Variants in CSRNP3 observed in about 807,000 individuals in gnomAD.
CSRNP3 encodes cysteine/serine-rich nuclear protein 3.
Under a neutral mutation model 48.0 loss-of-function variants are expected in CSRNP3, and 12 were observed. The observed-to-expected ratio is 0.25, with a 90% CI of 0.16 to 0.41. CSRNP3 has a LOEUF of 0.41. Among genes scored for constraint, CSRNP3 ranks in the 10% least tolerant of loss-of-function variants. The pLI, the probability that CSRNP3 is intolerant of heterozygous loss-of-function variation, is 1.00. For missense variants in CSRNP3, 580 were observed against 724.4 expected (o/e 0.80, Z 2.29); for synonymous variants, 263 against 269.7 (o/e 0.98, Z 0.24).
chr2:165,608,558 T>C (rs1009717398), intron 4 of CSRNP3, among the ~76,000 whole-genome samples: 2 of 152,184 alleles, frequency 1.3e-5, no homozygotes, highest in Non-Finnish European at 2.9e-5. Flanking sequence ...AACCTTAATA[T>C]CTACATTTGT....
intron 1 of CSRNP3, among the ~76,000 whole-genome samples, chr2:165,483,040 GTA>G (rs1454423742): frequency 1.6e-3 from 213 of 134,052 alleles, no homozygotes; most frequent in African/African-American, 5.7e-3. Context: ...GTGTGTGTGT[GTA>G]TGTATATATA....
intron 2 of CSRNP3, among the ~76,000 whole-genome samples, chr2:165,506,508 A>G (rs1205207286): frequency 2.0e-5 from 3 of 152,036 alleles, no homozygotes; most frequent in Non-Finnish European, 4.4e-5. Flanking sequence ...TTTTATATTC[A>G]TAGCCCCCAT....
intron 4 of CSRNP3, among the ~76,000 whole-genome samples, chr2:165,649,588 G>GGA (rs1265945394): frequency 6.6e-6 from 1 of 152,140 alleles, no homozygotes; most frequent in Non-Finnish European, 1.5e-5. Flanking sequence ...TAAGGACTGA[G>GGA]GAGAGACATG....
intron 4 of CSRNP3, among the ~76,000 whole-genome samples, chr2:165,627,697 T>G (rs922999323): frequency 2.0e-5 from 3 of 152,330 alleles, no homozygotes; most frequent in East Asian, 1.9e-4. Context: ...TGAATCACAC[T>G]TCTTCCTCTT....
chr2:165,594,903 A>T (rs917147621), intron 3 of CSRNP3, 140 bp from the exon 4 acceptor site: 5 of 543,308 alleles, frequency 9.2e-6, no homozygotes, highest in East Asian at 6.0e-5. Flanking sequence ...TAGAAAAAAA[A>T]ATCTGCTAAA....
chr2:165,530,785 T>C (rs898133214), intron 3 of CSRNP3, among the ~76,000 whole-genome samples: 1 of 152,100 alleles, frequency 6.6e-6, no homozygotes, highest in Admixed American at 6.5e-5. Context: ...TTTGTGTTAC[T>C]CTTGGACAAT....
rs145912675 is a variant in CSRNP3 at position 165,686,379 on chromosome 2, C to T, written c.*6626C>T. On this transcript the variant is annotated 3_prime_UTR_variant, in exon 7 of 7. Coordinates refer to ENST00000651982, the MANE Select transcript of CSRNP3 (RefSeq NM_001172173.2). ...TTTCTACCTTTGTAGTACATTGTATCCAATTTTGTTTTGCTCCTCCTTTTC... is the reference window on the plus strand; with the variant it reads ...TTTCTACCTTTGTAGTACATTGTATTCAATTTTGTTTTGCTCCTCCTTTTC... 302 of 152,060 alleles carry T rather than the reference C, an allele frequency of 2.0e-3. No homozygotes were observed. The highest frequency in any genetic ancestry group is 7.1e-3 in the African/African-American group (295 of 41,508). The allele number at this position is 152,060 out of a possible 1,614,324, so 9.4% of individuals were successfully genotyped here. A position where few individuals can be genotyped will look rare whatever the true frequency, so the allele number is the denominator to read the frequency against.
intron 2 of CSRNP3, among the ~76,000 whole-genome samples, chr2:165,508,475 T>C (rs1684457739): frequency 6.6e-6 from 1 of 152,118 alleles, no homozygotes; most frequent in South Asian, 2.1e-4. Context: ...CTTTCTTCTT[T>C]TTTATTTTTT....
intron 2 of CSRNP3, among the ~76,000 whole-genome samples, chr2:165,499,456 G>T (rs1469525867): frequency 3.3e-5 from 5 of 152,090 alleles, no homozygotes; most frequent in Admixed American, 6.6e-5. Context: ...TAAATAGGCT[G>T]CAATAATATT....
chr2:165,552,712 T>G lies in CSRNP3; in HGVS notation c.-24+34751T>G, dbSNP rs1685113705. ...TTTATCTATTTTTTATTTTTTTATT[T>G]TTTTTTGAGATGGAGTCTCACTCTG... On this transcript the variant is annotated intron_variant, in intron 3 of 6. Transcript: ENST00000651982. 2.6e-5 allele frequency among the ~76,000 whole-genome samples: 4 copies of G among 152,092 alleles called. No homozygotes were observed. The South Asian group carries it at 8.3e-4, about 32-fold the overall frequency.
At chr2:165,548,243 TAA>T (rs1685055934) in intron 3 of CSRNP3, among the ~76,000 whole-genome samples, 1 of 152,076 alleles carries the variant, frequency 6.6e-6, no homozygotes. Context: ...TTGCATCTCC[TAA>T]AATATCATGG....
At chr2:165,536,162 G>C (rs1684879016) in intron 3 of CSRNP3, among the ~76,000 whole-genome samples, 1 of 151,784 alleles carries the variant, frequency 6.6e-6, no homozygotes, top group African/African-American at 2.4e-5. Flanking sequence ...ACCAAATATT[G>C]TCAACACAAC....
At chr2:165,545,909 C>T (rs1323981685) in intron 3 of CSRNP3, among the ~76,000 whole-genome samples, 1 of 151,592 alleles carries the variant, frequency 6.6e-6, no homozygotes, top group Non-Finnish European at 1.5e-5. Flanking sequence ...GATAATTTAC[C>T]TCAGGTAATT....
chr2:165,597,494 A>AT (rs1044517531), intron 4 of CSRNP3, among the ~76,000 whole-genome samples: 1 of 151,986 alleles, frequency 6.6e-6, no homozygotes, highest in Admixed American at 6.6e-5. Context: ...TACATGGACA[A>AT]TTTTTTTTAA....
In CSRNP3 at chr2:165,562,841, TA is replaced by T. The variant is rs756999444; in HGVS notation, c.-23-32200del. On this transcript the variant is annotated intron_variant, in intron 3 of 6. Transcript: ENST00000651982. ...TAGTGTCATAAAATTTATAGTAGAG[TA>T]ATAAAGAGACATGAAAGAGAGTGAA... Among the ~76,000 whole-genome samples the T allele has an allele frequency of 8.6e-4, 131 of 151,670 alleles. 1 individual carries two copies. Among genetic ancestry groups the T allele is most frequent in the Middle Eastern group, 6.8e-3 (2 of 294 alleles).
chr2:165,676,302 G>T lies in CSRNP3; in HGVS notation c.409-10G>T. On this transcript the variant is annotated splice_polypyrimidine_tract_variant and intron_variant, in intron 5 of 6. Transcript: ENST00000651982. ...TAATGAGTCTCTTATTTGCTGCTTT[G>T]TGTTTTTAGATGACTAAGAATGGCA... 1 of 1,609,458 alleles carries T rather than the reference G, an allele frequency of 6.2e-7. No homozygotes were observed. Among genetic ancestry groups the T allele is most frequent in the Non-Finnish European group, 8.5e-7 (1 of 1,177,138 alleles).
intron 5 of CSRNP3, among the ~76,000 whole-genome samples, chr2:165,666,078 GAGAA>G (rs1558967340): frequency 7.3e-5 from 8 of 109,242 alleles, no homozygotes; most frequent in Non-Finnish European, 9.8e-5. Context: ...AAGAGAGAGA[GAGAA>G]AGGAAGGAAG....
At chr2:165,652,543 T>G (rs1299198892) in intron 4 of CSRNP3, among the ~76,000 whole-genome samples, 1 of 152,012 alleles carries the variant, frequency 6.6e-6, no homozygotes, top group East Asian at 1.9e-4. Flanking sequence ...CTAATTATTT[T>G]TATTCATTTG....
rs1473562138 is a variant in CSRNP3 at position 165,688,037 on chromosome 2, T to A, written c.*8284T>A. ...ATAACACTAGGGGGAAATGACCTTT[T>A]TTATTTAAAAAAAAAAAAAAGGCTA... On this transcript the variant is annotated 3_prime_UTR_variant, in exon 7 of 7. Transcript: ENST00000651982. The A allele has an allele frequency of 9.8e-6, 1 of 102,356 alleles. No individual in the cohort carries two copies. Among genetic ancestry groups the A allele is most frequent in the Non-Finnish European group, 2.2e-5 (1 of 44,536 alleles). The allele number at this position is 102,356 out of a possible 1,614,324, so 6.3% of individuals were successfully genotyped here. A position where few individuals can be genotyped will look rare whatever the true frequency, so the allele number is the denominator to read the frequency against.
Sources: gnomAD v4.1 joint callset for allele counts (sites outside exome capture counted in the v4.1 genomes callset) on GRCh38, gnomAD v4.1.1 for gene constraint, MANE v1.5 for transcripts, NCBI Gene and HGNC (gene_info 2026-07-23, HGNC 2026-07-21) for gene names.